PTPRD: variants seen among roughly 807,000 people sequenced by gnomAD.
PTPRD encodes the protein protein tyrosine phosphatase receptor type D.
In PTPRD, 34 loss-of-function variants were observed where a neutral mutation model predicts 214.5. The observed-to-expected ratio is 0.16, with a 90% CI of 0.12 to 0.21. The LOEUF (loss-of-function observed/expected upper bound fraction) is 0.21. Among genes scored for constraint, PTPRD ranks in the 10% least tolerant of loss-of-function variants. The pLI, the probability that PTPRD is intolerant of heterozygous loss-of-function variation, is 1.00. For synonymous variants in PTPRD, 1,128 were observed against 845.7 expected, an observed-to-expected ratio of 1.33 and a Z score of -5.79; for missense variants, 2,545 against 2,398.7, an observed-to-expected ratio of 1.06 and a Z score of -1.27.
intron 14 of PTPRD, among the ~76,000 whole-genome samples, chr9:8,553,936 C>T (rs925003674): frequency 6.6e-6 from 1 of 152,142 alleles, no homozygotes; most frequent in Non-Finnish European, 1.5e-5. Context: ...CGCCTGTAAT[C>T]CTAGCACTTT....
chr9:10,581,867 A>G (rs925380307), intron 2 of PTPRD, among the ~76,000 whole-genome samples: 16 of 152,200 alleles, frequency 1.1e-4, no homozygotes, highest in African/African-American at 3.9e-4. Context: ...TATTAATAAT[A>G]TTTATCAGAA....
chr9:9,726,058 T>C (rs2098084580), intron 7 of PTPRD, among the ~76,000 whole-genome samples: 2 of 152,320 alleles, frequency 1.3e-5, no homozygotes, highest in South Asian at 2.1e-4. Flanking sequence ...AGAATTTAAG[T>C]AGAAAAATAA....
intron 9 of PTPRD, among the ~76,000 whole-genome samples, chr9:9,358,832 A>T (rs966547567): frequency 6.6e-6 from 1 of 151,272 alleles, no homozygotes; most frequent in African/African-American, 2.4e-5. Flanking sequence ...TCTTAATCGC[A>T]TTCTTGTATA....
At chr9:10,064,203 T>G (rs1333596424) in intron 3 of PTPRD, among the ~76,000 whole-genome samples, 2 of 152,106 alleles carry the variant, frequency 1.3e-5, no homozygotes, top group East Asian at 3.9e-4. Context: ...TACCTCAAGT[T>G]AGCTTTTATT....
chr9:9,988,468 T>G (rs1488816673), intron 4 of PTPRD, among the ~76,000 whole-genome samples: 1 of 152,198 alleles, frequency 6.6e-6, no homozygotes, highest in African/African-American at 2.4e-5. Flanking sequence ...ACAGATGTTA[T>G]TATCTATTAA....
chr9:10,015,895 C>T (rs181704298), intron 4 of PTPRD, among the ~76,000 whole-genome samples: 1 of 152,264 alleles, frequency 6.6e-6, no homozygotes, highest in African/African-American at 2.4e-5. Flanking sequence ...AAGTACTGCT[C>T]TCCTGATCTT....
intron 3 of PTPRD, among the ~76,000 whole-genome samples, chr9:10,040,623 G>A (rs181218656): frequency 6.6e-6 from 1 of 152,128 alleles, no homozygotes; most frequent in Admixed American, 6.6e-5. Flanking sequence ...ACTTGTTTAT[G>A]GAACTCACAT....
chr9:10,071,164 A>G (rs2098005147), intron 3 of PTPRD, among the ~76,000 whole-genome samples: 1 of 152,068 alleles, frequency 6.6e-6, no homozygotes, highest in Non-Finnish European at 1.5e-5. Flanking sequence ...TGGAAGACTC[A>G]AACAATATTG....
At chr9:8,631,005 T>C (rs2096235709) in intron 14 of PTPRD, among the ~76,000 whole-genome samples, 1 of 151,896 alleles carries the variant, frequency 6.6e-6, no homozygotes, top group African/African-American at 2.4e-5. Flanking sequence ...TTCTATATGA[T>C]GGCACTGATT....
At chr9:8,989,612 G>A (rs1353283571) in intron 11 of PTPRD, among the ~76,000 whole-genome samples, 1 of 152,004 alleles carries the variant, frequency 6.6e-6, no homozygotes, top group Non-Finnish European at 1.5e-5. Flanking sequence ...TCCAATGACA[G>A]TCACTGAATC....
In PTPRD at chr9:8,315,461, TA is replaced by T. The variant is rs757062411; in HGVS notation, c.*2412del. ...GTCTGTCTGACCCCCTTTGTTTAAC[TA>T]AAAGAAAATTATAGCACTGAGTAAT... On this transcript the variant is annotated 3_prime_UTR_variant, in exon 46 of 46. Transcript: ENST00000381196. The T allele has an allele frequency of 4.3e-6, 1 of 232,006 alleles. No homozygotes were observed. Among genetic ancestry groups the T allele is most frequent in the Non-Finnish European group, 8.5e-6 (1 of 117,088 alleles). 14.4% of individuals were successfully genotyped at this position (232,006 alleles called of 1,614,324 possible). A position where few individuals can be genotyped will look rare whatever the true frequency, so the allele number is the denominator to read the frequency against.
chr9:8,911,668 T>C (rs1452889091), intron 11 of PTPRD, among the ~76,000 whole-genome samples: 2 of 152,020 alleles, frequency 1.3e-5, no homozygotes, highest in African/African-American at 4.8e-5. Context: ...TAAAAAGCAA[T>C]AGGTGAACTT....
intron 9 of PTPRD, among the ~76,000 whole-genome samples, chr9:9,394,980 T>C (rs1188359012): frequency 2.6e-5 from 4 of 152,112 alleles, no homozygotes; most frequent in Non-Finnish European, 5.9e-5. Context: ...AGGTACCATA[T>C]GATTTAATTA....
chr9:10,401,606 G>A (rs1201644833), intron 2 of PTPRD, among the ~76,000 whole-genome samples: 2 of 146,662 alleles, frequency 1.4e-5, no homozygotes, highest in Non-Finnish European at 3.0e-5. Flanking sequence ...GTATGTCTGT[G>A]ATATAACAGT....
chr9:8,764,676 T>G (rs2094597367), intron 11 of PTPRD, among the ~76,000 whole-genome samples: 1 of 151,998 alleles, frequency 6.6e-6, no homozygotes. Context: ...GTGCCTGTAA[T>G]CCCATCTACT....
At chr9:10,097,055 C>T (rs1366911521) in intron 3 of PTPRD, among the ~76,000 whole-genome samples, 3 of 151,276 alleles carry the variant, frequency 2.0e-5, no homozygotes, top group African/African-American at 4.9e-5. Flanking sequence ...TGTAGATATG[C>T]AGCATTATTT....
chr9:9,469,376 T>C (rs911842697), intron 8 of PTPRD, among the ~76,000 whole-genome samples: 4 of 152,180 alleles, frequency 2.6e-5, no homozygotes, highest in Admixed American at 1.3e-4. Context: ...AAGCTGGCAA[T>C]GTTCCCCAGA....
chr9:10,509,440 ATGTTGGCTCC>A (rs2047191162), intron 2 of PTPRD, among the ~76,000 whole-genome samples: 1 of 146,986 alleles, frequency 6.8e-6, no homozygotes, highest in Admixed American at 6.9e-5. Flanking sequence ...GTACTCTTTC[ATGTTGGCTCC>A]TGTGCCCTTT....
intron 9 of PTPRD, among the ~76,000 whole-genome samples, chr9:9,361,797 T>C (rs996274887): frequency 6.6e-6 from 1 of 151,082 alleles, no homozygotes; most frequent in Non-Finnish European, 1.5e-5. Flanking sequence ...TCTCCCTTGG[T>C]AGCTTTTTGA....
Sources: allele counts gnomAD v4.1 joint callset (sites outside exome capture counted in the v4.1 genomes callset), GRCh38; gene constraint gnomAD v4.1.1; transcripts MANE v1.5; gene names NCBI Gene and HGNC (gene_info 2026-07-23, HGNC 2026-07-21).